MYT1L: variants seen among roughly 807,000 people sequenced by gnomAD.
MYT1L encodes myelin transcription factor 1-like protein.
In MYT1L, 12 loss-of-function variants were observed where a neutral mutation model predicts 126.7. The ratio of observed to expected loss-of-function variants is 0.09; its 90% confidence interval spans 0.06 to 0.15. The LOEUF (loss-of-function observed/expected upper bound fraction) is 0.15. MYT1L is among the 10% of genes least tolerant of loss of function. MYT1L has a pLI of 1.00. For synonymous variants in MYT1L, 541 were observed against 604.2 expected, an observed-to-expected ratio of 0.90 and a Z score of 1.53; for missense variants, 979 against 1,585.2, an observed-to-expected ratio of 0.62 and a Z score of 6.49.
intron 3 of MYT1L, among the ~76,000 whole-genome samples, chr2:2,061,089 T>C (rs2150152555): frequency 6.6e-6 from 1 of 152,368 alleles, no homozygotes; most frequent in Admixed American, 6.5e-5. Flanking sequence ...TTTTGATTAA[T>C]AGACGTGACT....
chr2:1,792,266 A>AG, intron 24 of MYT1L, 55 bp downstream of exon 24: 1 of 1,537,156 alleles, frequency 6.5e-7, no homozygotes, highest in Non-Finnish European at 8.8e-7. Flanking sequence ...CATCTACTTT[A>AG]GGCTGTGCGC....
intron 4 of MYT1L, among the ~76,000 whole-genome samples, chr2:2,002,450 TG>T (rs2062488709): frequency 3.3e-5 from 5 of 152,240 alleles, no homozygotes; most frequent in Admixed American, 3.3e-4. Flanking sequence ...GTATGCCACA[TG>T]CTTCAGTTGG....
intron 8 of MYT1L, among the ~76,000 whole-genome samples, chr2:1,945,866 C>A (rs1203740304): frequency 6.6e-6 from 1 of 152,158 alleles, no homozygotes; most frequent in Non-Finnish European, 1.5e-5. Context: ...TTTCTTCTAT[C>A]AATACTTCTA....
At chr2:1,864,658 G>A (rs1033442766) in intron 18 of MYT1L, among the ~76,000 whole-genome samples, 2 of 152,304 alleles carry the variant, frequency 1.3e-5, no homozygotes, top group Admixed American at 6.5e-5. Flanking sequence ...GGCTGAGCCC[G>A]GATGGGAGGC....
chr2:1,826,148 T>G (rs928566021), intron 21 of MYT1L: 6 of 152,376 alleles, frequency 3.9e-5, no homozygotes, highest in African/African-American at 1.4e-4. Flanking sequence ...GAGGACCCCC[T>G]TAGGCCAGCC....
intron 4 of MYT1L, among the ~76,000 whole-genome samples, chr2:2,006,587 C>CT (rs1201300601): frequency 6.6e-6 from 1 of 151,746 alleles, no homozygotes; most frequent in Non-Finnish European, 1.5e-5. Context: ...TTAATTTTTA[C>CT]TTTTTTGAGA....
At chr2:2,297,240 AG>A (rs2095709365) in intron 1 of MYT1L, among the ~76,000 whole-genome samples, 1 of 152,166 alleles carries the variant, frequency 6.6e-6, no homozygotes, top group Non-Finnish European at 1.5e-5. Flanking sequence ...TGACCCTCGG[AG>A]GTTTTGAAAA....
chr2:1,798,039 G>T (rs1279369985), intron 23 of MYT1L, among the ~76,000 whole-genome samples: 1 of 63,372 alleles, frequency 1.6e-5, no homozygotes, highest in East Asian at 3.9e-4. Context: ...CAGGCGCGGC[G>T]GTCTCCCCCT....
chr2:2,152,641 T>G lies in MYT1L; in HGVS notation c.-304+20231A>C, dbSNP rs149634957. On this transcript the variant is annotated intron_variant, in intron 3 of 24. Transcript: ENST00000647738. ...GCCTGGCAATCAGAGGCGTCCCGAG[T>G]AGATGAGCCCCGTGCATGGTGTCAA... Among the ~76,000 whole-genome samples the G allele has an allele frequency of 5.3e-3, 813 of 151,976 alleles. 4 individuals are homozygous for G. Among genetic ancestry groups the G allele is most frequent in the South Asian group, 0.053 (253 of 4,790 alleles).
intron 3 of MYT1L, among the ~76,000 whole-genome samples, chr2:2,142,206 A>C (rs777204627): frequency 6.6e-6 from 1 of 152,110 alleles, no homozygotes; most frequent in Non-Finnish European, 1.5e-5. Context: ...CTCAGCAAAC[A>C]TCTTGTGTTA....
chr2:1,811,324 GAGA>G lies in MYT1L; in HGVS notation c.3081-2160_3081-2158del, dbSNP rs1337575691. On this transcript the variant is annotated intron_variant, in intron 21 of 24. Coordinates refer to ENST00000647738, the MANE Select transcript of MYT1L (RefSeq NM_001303052.2). The surrounding 1 kb of genome is among the most constrained non-coding windows in gnomAD (Gnocchi z 4.4). ...CTGATGATGTTCCTAGGTTCAGTGG[GAGA>G]AGGAGCAGCGGGGACTTTAACCCCA... The G allele has an allele frequency of 6.6e-6, 1 of 151,682 alleles. No homozygotes were observed. Among genetic ancestry groups the G allele is most frequent in the Non-Finnish European group, 1.5e-5 (1 of 68,074 alleles). The allele number at this position is 151,682 out of a possible 1,614,324, so 9.4% of individuals were successfully genotyped here.
chr2:1,817,497 A>C (rs575435027), intron 21 of MYT1L, among the ~76,000 whole-genome samples: 1 of 152,354 alleles, frequency 6.6e-6, no homozygotes, highest in East Asian at 1.9e-4. Context: ...CTTCAGCAAG[A>C]GTTTGGGAAA....
intron 3 of MYT1L, among the ~76,000 whole-genome samples, chr2:2,167,205 C>T (rs1178299937): frequency 6.6e-6 from 1 of 152,192 alleles, no homozygotes; most frequent in African/African-American, 2.4e-5. Flanking sequence ...GAAACACTCA[C>T]TGTTTTACAT....
intron 2 of MYT1L, among the ~76,000 whole-genome samples, chr2:2,192,133 G>A (rs1026284174): frequency 1.3e-5 from 2 of 152,218 alleles, no homozygotes; most frequent in Admixed American, 1.3e-4. Context: ...TGTGTACTTT[G>A]CCAGAACTTT....
At chr2:2,032,924 A>ACACACCC (rs1343560053) in intron 4 of MYT1L, among the ~76,000 whole-genome samples, 11 of 142,352 alleles carry the variant, frequency 7.7e-5, no homozygotes, top group South Asian at 2.3e-4. Flanking sequence ...AGGGCCTTAT[A>ACACACCC]CACACCCCTC....
chr2:1,853,747 A>C (rs2043569349), intron 18 of MYT1L, among the ~76,000 whole-genome samples: 1 of 152,234 alleles, frequency 6.6e-6, no homozygotes, highest in Admixed American at 6.5e-5. Flanking sequence ...AAATTTATTC[A>C]TTTTAATATG....
chr2:1,948,065 T>C (rs561652022), intron 8 of MYT1L, among the ~76,000 whole-genome samples: 8 of 152,366 alleles, frequency 5.3e-5, no homozygotes, highest in South Asian at 2.1e-4. Flanking sequence ...TCTAAAGCTT[T>C]ACATGTTTTA....
chr2:2,060,781 CTTCCTTTCCT>C (rs1182467468), intron 3 of MYT1L, among the ~76,000 whole-genome samples: 10 of 143,738 alleles, frequency 7.0e-5, no homozygotes, highest in African/African-American at 1.8e-4. Context: ...CCTCTCTATT[CTTCCTTTCCT>C]TTCCTTTCCT....
chr2:2,245,944 C>T (rs921239847), intron 2 of MYT1L, among the ~76,000 whole-genome samples: 7 of 152,188 alleles, frequency 4.6e-5, no homozygotes, highest in Non-Finnish European at 8.8e-5. Flanking sequence ...GGATTCTCCC[C>T]TGGAGCCTCC....
Sources: gnomAD v4.1 joint callset for allele counts (sites outside exome capture counted in the v4.1 genomes callset) on GRCh38, gnomAD v4.1.1 for gene constraint, Gnocchi (gnomAD v3.1) non-coding constraint, MANE v1.5 for transcripts, NCBI Gene and HGNC (gene_info 2026-07-23, HGNC 2026-07-21) for gene names.